Variants in UNC13C observed in about 807,000 individuals in gnomAD.
The protein encoded by UNC13C is protein unc-13 homolog C.
Under a neutral mutation model 245.4 loss-of-function variants are expected in UNC13C, and 174 were observed. That is an observed-to-expected ratio of 0.71 (90% CI 0.63 to 0.80). The LOEUF (loss-of-function observed/expected upper bound fraction) is 0.80. UNC13C is among the 30% of genes least tolerant of loss of function. UNC13C has a pLI of 0.00. For synonymous variants in UNC13C, 992 were observed against 895.1 expected (o/e 1.11, Z -1.93); for missense variants, 2,829 against 2,602.9 (o/e 1.09, Z -1.89).
intron 4 of UNC13C, among the ~76,000 whole-genome samples, chr15:54,174,259 A>C (rs2141289866): frequency 6.6e-6 from 1 of 152,262 alleles, no homozygotes; most frequent in South Asian, 2.1e-4. Flanking sequence ...TTTTTCTGAA[A>C]CATTGTTTTC....
intron 18 of UNC13C, among the ~76,000 whole-genome samples, chr15:54,409,525 C>A (rs368188353): frequency 1.1e-4 from 17 of 152,182 alleles, no homozygotes; most frequent in African/African-American, 3.6e-4. Flanking sequence ...TCCGTACTCT[C>A]CTCCCACCCT....
At chr15:53,901,683 A>G in the UNC13C span, among the ~76,000 whole-genome samples, 1 of 152,226 alleles carries the variant, frequency 6.6e-6, no homozygotes, top group Admixed American at 6.5e-5. Context: ...GTTTTATGAG[A>G]AATAGTCAAT....
intron 18 of UNC13C, among the ~76,000 whole-genome samples, chr15:54,411,513 T>C (rs975127481): frequency 1.3e-5 from 2 of 152,200 alleles, no homozygotes; most frequent in Non-Finnish European, 2.9e-5. Flanking sequence ...GTTAAATGTT[T>C]AATTTGTTGC....
intron 18 of UNC13C, among the ~76,000 whole-genome samples, chr15:54,412,320 G>A (rs1369198726): frequency 2.0e-5 from 3 of 152,152 alleles, no homozygotes; most frequent in Non-Finnish European, 4.4e-5. Flanking sequence ...CATGGTTGAA[G>A]GCTGAGGGGA....
chr15:54,330,325 T>C (rs1015127812), intron 14 of UNC13C, among the ~76,000 whole-genome samples: 1 of 152,092 alleles, frequency 6.6e-6, no homozygotes, highest in Non-Finnish European at 1.5e-5. Flanking sequence ...TACATCTCAT[T>C]GGCCAAAACC....
At chr15:54,003,413 G>A (rs932663298) in intron 1 of UNC13C, among the ~76,000 whole-genome samples, 37 of 152,182 alleles carry the variant, frequency 2.4e-4, no homozygotes, top group Non-Finnish European at 4.9e-4. Context: ...ATGGGGTCGG[G>A]CCATGCCAAG....
Position 54,031,252 on chromosome 15 carries a change from G to A in UNC13C, c.2983+15366G>A, listed in dbSNP as rs552137999. Among the ~76,000 whole-genome samples, 219 of 152,260 alleles carry A rather than the reference G, an allele frequency of 1.4e-3. 3 individuals are homozygous for A. The highest frequency in any genetic ancestry group is 4.9e-3 in the African/African-American group (203 of 41,568). ...GGCATTGGAAATTCAGAAGGGTGCC[G>A]TTTTTGGATAGCCCAGGCTGGAGTG... On this transcript the variant is annotated intron_variant, in intron 2 of 32. Coordinates refer to ENST00000260323, the MANE Select transcript of UNC13C (RefSeq NM_001080534.3).
chr15:54,290,798 A>G (rs1421268507), intron 10 of UNC13C, among the ~76,000 whole-genome samples: 2 of 152,098 alleles, frequency 1.3e-5, no homozygotes, highest in South Asian at 2.1e-4. Flanking sequence ...AATAGATTCT[A>G]GAAATGTTTA....
At chr15:54,393,204 G>T (rs760425606) in intron 18 of UNC13C, 23 bp downstream of exon 18, 11 of 1,500,422 alleles carry the variant, frequency 7.3e-6, no homozygotes, top group Non-Finnish European at 9.8e-6. Context: ...TTTTGGAAAT[G>T]AATGGATTTT....
intron 2 of UNC13C, among the ~76,000 whole-genome samples, chr15:54,125,779 C>T (rs913015347): frequency 1.3e-5 from 2 of 152,096 alleles, no homozygotes; most frequent in Non-Finnish European, 2.9e-5. Flanking sequence ...AGATTGACTT[C>T]TATATCATTA....
At chr15:54,605,276 A>T (rs12708436) in intron 30 of UNC13C, among the ~76,000 whole-genome samples, 1 of 151,998 alleles carries the variant, frequency 6.6e-6, no homozygotes, top group African/African-American at 2.4e-5. Context: ...CCACAGTGCC[A>T]TGTAGAATCA....
chr15:54,611,471 T>G (rs1390771669), intron 30 of UNC13C: 1 of 152,128 alleles, frequency 6.6e-6, no homozygotes, highest in Non-Finnish European at 1.5e-5. Context: ...GACAGTATAT[T>G]CAAGAAATCT....
At chr15:54,419,077 T>C (rs772296637) in intron 19 of UNC13C, among the ~76,000 whole-genome samples, 7 of 152,182 alleles carry the variant, frequency 4.6e-5, no homozygotes, top group Non-Finnish European at 1.0e-4. Context: ...ATTTGGTTTC[T>C]AAATAACAGA....
intron 19 of UNC13C, among the ~76,000 whole-genome samples, chr15:54,422,598 T>C (rs2040670857): frequency 6.6e-6 from 1 of 151,946 alleles, no homozygotes; most frequent in Non-Finnish European, 1.5e-5. Context: ...CATGACTTCC[T>C]TAACTGAGCC....
At chr15:53,999,843 A>G (rs974003553) in intron 1 of UNC13C, among the ~76,000 whole-genome samples, 1 of 151,844 alleles carries the variant, frequency 6.6e-6, no homozygotes, top group African/African-American at 2.4e-5. Flanking sequence ...GTGGAGATGG[A>G]GTGTTTATAG....
chr15:53,886,911 T>C, the UNC13C span, among the ~76,000 whole-genome samples: 1 of 151,982 alleles, frequency 6.6e-6, no homozygotes, highest in Non-Finnish European at 1.5e-5. Flanking sequence ...CATCCTACAA[T>C]ATATGTGAGG....
At chr15:54,196,972 C>A (rs1050487250) in intron 4 of UNC13C, among the ~76,000 whole-genome samples, 3 of 151,992 alleles carry the variant, frequency 2.0e-5, no homozygotes, top group Non-Finnish European at 4.4e-5. Flanking sequence ...CTAAGGAGCA[C>A]CATAAAGCAC....
intron 19 of UNC13C, among the ~76,000 whole-genome samples, chr15:54,447,742 T>G (rs1470191886): frequency 1.3e-5 from 2 of 152,182 alleles, no homozygotes; most frequent in African/African-American, 4.8e-5. Flanking sequence ...ATTCCCTGAT[T>G]TTTTGAAGGG....
At chr15:54,625,354 G>C (rs1430691499) in intron 32 of UNC13C, among the ~76,000 whole-genome samples, 1 of 152,138 alleles carries the variant, frequency 6.6e-6, no homozygotes, top group African/African-American at 2.4e-5. Flanking sequence ...AAAAAGGAGG[G>C]TGGATCCACA....
Sources: allele counts gnomAD v4.1 joint callset (sites outside exome capture counted in the v4.1 genomes callset), GRCh38; gene constraint gnomAD v4.1.1; transcripts MANE v1.5; gene names NCBI Gene and HGNC (gene_info 2026-07-23, HGNC 2026-07-21).